Variants in GPC6 observed in about 807,000 individuals in gnomAD.
GPC6 encodes the protein glypican-6.
GPC6 carries 14 observed loss-of-function variants against 55.2 expected under a neutral mutation model. The observed-to-expected ratio is 0.25, with a 90% CI of 0.17 to 0.40. The LOEUF (loss-of-function observed/expected upper bound fraction) is 0.40, where lower values mean the gene tolerates loss of function less well. GPC6 is among the 10% of genes least tolerant of loss of function. The pLI is 1.00. For missense variants in GPC6, 641 were observed against 708.5 expected (o/e 0.90, Z 1.08); for synonymous variants, 278 against 259.6 (o/e 1.07, Z -0.68).
intron 1 of GPC6, among the ~76,000 whole-genome samples, chr13:93,543,113 G>A (rs1882393810): frequency 7.1e-6 from 1 of 140,518 alleles, no homozygotes. Context: ...GTTTTCAAAG[G>A]GAATGCTTCC....
chr13:93,789,512 TA>T (rs1885932065), intron 2 of GPC6, among the ~76,000 whole-genome samples: 1 of 22,066 alleles, frequency 4.5e-5, no homozygotes. Flanking sequence ...TCTCTCTCTA[TA>T]TATATATATA....
At chr13:93,732,707 G>C (rs561561009) in intron 2 of GPC6, among the ~76,000 whole-genome samples, 4 of 152,094 alleles carry the variant, frequency 2.6e-5, no homozygotes, top group Non-Finnish European at 5.9e-5. Flanking sequence ...TATAGACTCA[G>C]ATGTGTCACT....
At chr13:93,299,555 C>A (rs9584104) in intron 1 of GPC6, among the ~76,000 whole-genome samples, 3,226 of 152,306 alleles carry the variant, frequency 0.021, 121 homozygotes, top group African/African-American at 0.073. Flanking sequence ...AATTCAAGAA[C>A]TGCCACTCAC....
chr13:93,891,944 T>G (rs927653321), intron 3 of GPC6, among the ~76,000 whole-genome samples: 1 of 151,864 alleles, frequency 6.6e-6, no homozygotes, highest in African/African-American at 2.4e-5. Flanking sequence ...AGTGTATGCA[T>G]GTGTGTATAT....
intron 2 of GPC6, among the ~76,000 whole-genome samples, chr13:93,584,008 A>T (rs975401015): frequency 1.3e-5 from 2 of 152,314 alleles, no homozygotes; most frequent in Middle Eastern, 6.8e-3. Flanking sequence ...ACATGGCCGC[A>T]TAAAGTTGGA....
At chr13:94,249,796 T>C (rs1309955298) in intron 4 of GPC6, among the ~76,000 whole-genome samples, 3 of 152,216 alleles carry the variant, frequency 2.0e-5, no homozygotes, top group African/African-American at 7.2e-5. Flanking sequence ...TTTGACAAGC[T>C]TGATGGCCCA....
At chr13:93,539,873 T>G (rs529145464) in intron 1 of GPC6, among the ~76,000 whole-genome samples, 13 of 152,138 alleles carry the variant, frequency 8.5e-5, no homozygotes, top group African/African-American at 3.1e-4. Context: ...GTATTTTTAG[T>G]GGAGACAGAG....
rs1044005963 is a variant in GPC6 at position 93,302,142 on chromosome 13, G to A, written c.160+74526G>A. On this transcript the variant is annotated intron_variant, in intron 1 of 8. Coordinates refer to ENST00000377047, the MANE Select transcript of GPC6 (RefSeq NM_005708.5). ...TGTTTATGAGCAAGGATGGGATGTG[G>A]GAATGCTGTGAGGATACTTTTTTTC... is the stretch of plus-strand genomic sequence containing the variant. Among the ~76,000 whole-genome samples, 3 of 152,110 alleles carry A rather than the reference G, an allele frequency of 2.0e-5. No individual in the cohort carries two copies. The East Asian group carries it at 5.8e-4, about 29-fold the overall frequency.
intron 2 of GPC6, among the ~76,000 whole-genome samples, chr13:93,668,579 A>G (rs559560785): frequency 6.6e-5 from 10 of 152,280 alleles, no homozygotes; most frequent in African/African-American, 2.4e-4. Context: ...GCACTCCTCT[A>G]AGAGACAGAA....
At chr13:94,401,915 G>C (rs1278354705) in intron 8 of GPC6, among the ~76,000 whole-genome samples, 2 of 150,172 alleles carry the variant, frequency 1.3e-5, no homozygotes, top group Non-Finnish European at 3.0e-5. Flanking sequence ...CTGGGCAACA[G>C]AGCCAGACCC....
chr13:94,391,447 T>G (rs965198747), intron 7 of GPC6, among the ~76,000 whole-genome samples: 1 of 152,192 alleles, frequency 6.6e-6, no homozygotes, highest in Admixed American at 6.5e-5. Context: ...TCAGATCTCA[T>G]GAAGTCCCCT....
chr13:93,753,357 A>G (rs1196150406), intron 2 of GPC6, among the ~76,000 whole-genome samples: 6 of 152,228 alleles, frequency 3.9e-5, no homozygotes, highest in Non-Finnish European at 8.8e-5. Flanking sequence ...TAATTAGCAA[A>G]TAAGATATCA....
At chr13:94,011,768 G>T (rs1368281823) in intron 3 of GPC6, among the ~76,000 whole-genome samples, 1 of 152,136 alleles carries the variant, frequency 6.6e-6, no homozygotes, top group African/African-American at 2.4e-5. Flanking sequence ...TTCTGCACTA[G>T]CTCTGTTGTA....
intron 8 of GPC6, among the ~76,000 whole-genome samples, chr13:94,400,440 T>A (rs113896239): frequency 0.013 from 1,951 of 152,332 alleles, 25 homozygotes; most frequent in Middle Eastern, 0.031. Flanking sequence ...GACACCAGTG[T>A]TCAGAACAAT....
At chr13:93,748,443 C>G (rs1009706718) in intron 2 of GPC6, among the ~76,000 whole-genome samples, 9 of 151,716 alleles carry the variant, frequency 5.9e-5, no homozygotes, top group African/African-American at 2.2e-4. Flanking sequence ...TTTCTTCTAT[C>G]TTTAAGTAAT....
At chr13:94,066,355 AT>A (rs1884516318) in intron 4 of GPC6, among the ~76,000 whole-genome samples, 2 of 152,090 alleles carry the variant, frequency 1.3e-5, no homozygotes, top group African/African-American at 4.8e-5. Flanking sequence ...AATTTTCATG[AT>A]TGTTCTACTT....
intron 6 of GPC6, among the ~76,000 whole-genome samples, chr13:94,360,295 G>A (rs149083901): frequency 1.1e-4 from 17 of 152,206 alleles, no homozygotes; most frequent in African/African-American, 1.2e-4. Flanking sequence ...TATTATTTCC[G>A]CTGATAGTTA....
At chr13:93,982,008 C>T (rs1364942693) in intron 3 of GPC6, among the ~76,000 whole-genome samples, 2 of 151,964 alleles carry the variant, frequency 1.3e-5, no homozygotes, top group East Asian at 3.9e-4. Context: ...ACTGCAGAAC[C>T]CCTTCTTTAT....
At chr13:93,292,916 G>A (rs1594077645) in intron 1 of GPC6, among the ~76,000 whole-genome samples, 1 of 152,180 alleles carries the variant, frequency 6.6e-6, no homozygotes, top group Non-Finnish European at 1.5e-5. Flanking sequence ...AGCAGGCCTG[G>A]CTAAAGACAC....
Sources: allele counts gnomAD v4.1 joint callset (sites outside exome capture counted in the v4.1 genomes callset), GRCh38; gene constraint gnomAD v4.1.1; transcripts MANE v1.5; gene names NCBI Gene and HGNC (gene_info 2026-07-23, HGNC 2026-07-21).